Variants in ACSS1 observed in about 807,000 individuals in gnomAD.
ACSS1 encodes the protein acetyl-coenzyme A synthetase 2-like, mitochondrial.
In ACSS1, 42 loss-of-function variants were observed where a neutral mutation model predicts 75.3. The observed-to-expected ratio is 0.56, with a 90% confidence interval of 0.44 to 0.72. ACSS1 has a LOEUF of 0.72. ACSS1 is among the 30% of genes least tolerant of loss of function. The probability of loss-of-function intolerance (pLI) is 0.00; values close to 1 mark genes in which losing one functional copy is unlikely to be tolerated. For synonymous variants in ACSS1, 380 were observed against 376.8 expected, an observed-to-expected ratio of 1.01 and a Z score of -0.10; for missense variants, 782 against 935.7, an observed-to-expected ratio of 0.84 and a Z score of 2.14.
At chr20:25,008,684 G>A (rs1232226287) in intron 13 of ACSS1, among the ~76,000 whole-genome samples, 1 of 152,196 alleles carries the variant, frequency 6.6e-6, no homozygotes, top group Non-Finnish European at 1.5e-5. Flanking sequence ...CTGACCCCCT[G>A]GGTTGGGGGT....
intron 12 of ACSS1, chr20:25,012,237 G>A (rs2088422619): frequency 3.0e-6 from 1 of 329,382 alleles, no homozygotes; most frequent in Non-Finnish European, 5.8e-6. Flanking sequence ...AAGCCCGTGA[G>A]GATACATGAG....
chr20:25,041,708 G>A (rs1054611021), intron 2 of ACSS1, among the ~76,000 whole-genome samples: 1 of 118,930 alleles, frequency 8.4e-6, no homozygotes, highest in Non-Finnish European at 1.9e-5. Flanking sequence ...AATCTAATGG[G>A]TTTCTAATGT....
intron 1 of ACSS1, among the ~76,000 whole-genome samples, chr20:25,053,439 T>A (rs2089203954): frequency 6.6e-6 from 1 of 152,306 alleles, no homozygotes; most frequent in East Asian, 1.9e-4. Flanking sequence ...AAAATTGTTT[T>A]GGACAATTTT....
chr20:25,052,904 T>C (rs567925843), intron 1 of ACSS1, among the ~76,000 whole-genome samples: 44 of 152,318 alleles, frequency 2.9e-4, no homozygotes, highest in Non-Finnish European at 5.9e-4. Context: ...TATAAGAGTA[T>C]TGGGATTTCC....
chr20:25,046,662 G>A lies in ACSS1; in HGVS notation c.431+1423C>T, dbSNP rs1386275358. The A allele has an allele frequency of 1.6e-5, 10 of 631,324 alleles. No homozygotes were observed. The South Asian group carries it at 1.7e-4, about 11-fold the overall frequency. The allele number at this position is 631,324 out of a possible 1,614,324, so 39.1% of individuals were successfully genotyped here. On this transcript the variant is annotated intron_variant, in intron 2 of 13. Coordinates refer to ENST00000323482, the MANE Select transcript of ACSS1 (RefSeq NM_032501.4). The stretch of plus-strand genomic sequence containing the variant: ...ACTACTCCAGGGGCAGCAGCCTCAA[G>A]TTCCTTCTCAGAAGGGGCTTTGTTC...
At chr20:25,052,679 CT>C (rs1399361703) in intron 1 of ACSS1, among the ~76,000 whole-genome samples, 3 of 152,244 alleles carry the variant, frequency 2.0e-5, no homozygotes. Flanking sequence ...GAATTGGAGC[CT>C]TTATTTCCAA....
chr20:25,006,969 T>C lies in ACSS1; in HGVS notation c.*793A>G, dbSNP rs2088320373. 6.5e-7 allele frequency: 1 copy of C among 1,535,212 alleles called. No individual in the cohort carries two copies. Among genetic ancestry groups the C allele is most frequent in the African/African-American group, 1.4e-5 (1 of 73,158 alleles). Reference sequence around the variant, plus strand: ...AGGCATCTGGGGGCACAAAAATCTTTCTGGATCACAGCTTGAAGAAACAGA... The same window carrying C: ...AGGCATCTGGGGGCACAAAAATCTTCCTGGATCACAGCTTGAAGAAACAGA... On this transcript the variant is annotated 3_prime_UTR_variant, in exon 14 of 14. Transcript: ENST00000323482.
At chr20:25,021,817 A>G (rs1007624716) in intron 5 of ACSS1, among the ~76,000 whole-genome samples, 4 of 152,228 alleles carry the variant, frequency 2.6e-5, no homozygotes. Context: ...GAATGGCATC[A>G]AGCATCATCA....
At chr20:25,049,531 G>C (rs769355092) in intron 1 of ACSS1, among the ~76,000 whole-genome samples, 4 of 152,172 alleles carry the variant, frequency 2.6e-5, no homozygotes, top group African/African-American at 9.7e-5. Context: ...AGATGCAAAC[G>C]TAAGAAACAT....
At chr20:25,014,159 C>T in intron 8 of ACSS1, 86 bp from the exon 9 acceptor site, 1 of 1,171,958 alleles carries the variant, frequency 8.5e-7, no homozygotes, top group Non-Finnish European at 1.2e-6. Context: ...TGGGACTGTC[C>T]CTGTTGTGGG....
At chr20:25,017,964 G>A (rs2088549308) in intron 7 of ACSS1, among the ~76,000 whole-genome samples, 1 of 152,180 alleles carries the variant, frequency 6.6e-6, no homozygotes, top group Non-Finnish European at 1.5e-5. Flanking sequence ...CCCGCTGTTT[G>A]TTCCCAGTCC....
At chr20:25,050,480 G>A (rs530013523) in intron 1 of ACSS1, among the ~76,000 whole-genome samples, 35 of 152,100 alleles carry the variant, frequency 2.3e-4, no homozygotes, top group African/African-American at 8.2e-4. Context: ...CCCAGGAGAT[G>A]TGAACCCACT....
At chr20:25,023,357 C>G in intron 4 of ACSS1, 109 bp downstream of exon 4, 1 of 1,342,540 alleles carries the variant, frequency 7.4e-7, no homozygotes. Context: ...CACAGAGGAA[C>G]CCTGGGCACC....
intron 2 of ACSS1, among the ~76,000 whole-genome samples, chr20:25,042,127 G>T (rs909443556): frequency 1.3e-5 from 2 of 152,298 alleles, no homozygotes; most frequent in Non-Finnish European, 1.5e-5. Flanking sequence ...AACTCCCTCA[G>T]TGTGGGTCAC....
intron 2 of ACSS1, chr20:25,032,573 C>T (rs2088845427): frequency 1.6e-6 from 2 of 1,244,176 alleles, no homozygotes; most frequent in East Asian, 3.1e-5. Flanking sequence ...TCTCTCTGGG[C>T]GGGGCAGACC....
At chr20:25,012,712 C>T in intron 11 of ACSS1, 48 bp from the exon 12 acceptor site, 1 of 1,613,792 alleles carries the variant, frequency 6.2e-7, no homozygotes, top group African/African-American at 1.3e-5. Context: ...GCCCCGGGTG[C>T]TAGAAGTGAC....
chr20:25,031,191 GGCTATCCT>G (rs2088818168), intron 2 of ACSS1: 2 of 624,996 alleles, frequency 3.2e-6, no homozygotes, highest in East Asian at 6.1e-5. Context: ...AGGGTGACAA[GGCTATCCT>G]TAAGTCCGCT....
chr20:25,044,960 G>A (rs1224288615), intron 2 of ACSS1, among the ~76,000 whole-genome samples: 1 of 152,228 alleles, frequency 6.6e-6, no homozygotes, highest in Admixed American at 6.5e-5. Flanking sequence ...GGAGGAAGCG[G>A]GGCAAAACCG....
At position 25,034,565 on chromosome 20, in the gene ACSS1, A is replaced by G. The variant is rs145379934; in HGVS notation, c.432-3607T>C. The stretch of plus-strand genomic sequence containing the variant: ...TACCCAGACCCTTGACCTCAATTCT[A>G]TATTTAACCTTTTTTTTTTTGAGGT... On this transcript the variant is annotated intron_variant, in intron 2 of 13. Coordinates refer to ENST00000323482, the MANE Select transcript of ACSS1 (RefSeq NM_032501.4). Among the ~76,000 whole-genome samples, 1,161 of 151,562 alleles carry G rather than the reference A, an allele frequency of 7.7e-3. 17 individuals are homozygous for G. The highest frequency in any genetic ancestry group is 0.027 in the African/African-American group (1,113 of 41,232).
Sources: gnomAD v4.1 joint callset for allele counts (sites outside exome capture counted in the v4.1 genomes callset) on GRCh38, gnomAD v4.1.1 for gene constraint, MANE v1.5 for transcripts, NCBI Gene and HGNC (gene_info 2026-07-23, HGNC 2026-07-21) for gene names.